RASSF8: variants seen among roughly 807,000 people sequenced by gnomAD.
The protein encoded by RASSF8 is ras association domain-containing protein 8.
Under a neutral mutation model 48.5 loss-of-function variants are expected in RASSF8, and 22 were observed. That is an observed-to-expected ratio of 0.45 (90% CI 0.32 to 0.65). The LOEUF (loss-of-function observed/expected upper bound fraction) is 0.65, where lower values mean the gene tolerates loss of function less well. RASSF8 is among the 30% of genes least tolerant of loss of function. The pLI is 0.03. For missense variants in RASSF8, 418 were observed against 489.2 expected, an observed-to-expected ratio of 0.85 and a Z score of 1.37; for synonymous variants, 127 against 171.5, an observed-to-expected ratio of 0.74 and a Z score of 2.03.
intron 1 of RASSF8, among the ~76,000 whole-genome samples, chr12:25,991,872 T>A (rs1275084628): frequency 6.6e-6 from 1 of 152,238 alleles, no homozygotes; most frequent in Non-Finnish European, 1.5e-5. Flanking sequence ...GAATGCTTAA[T>A]CTTTAGCACA....
At chr12:25,977,350 C>G (rs1325251935) in intron 1 of RASSF8, among the ~76,000 whole-genome samples, 1 of 152,256 alleles carries the variant, frequency 6.6e-6, no homozygotes, top group Middle Eastern at 3.4e-3. Context: ...GGGCTATAAC[C>G]GTGACCATTA....
At chr12:26,076,478 A>C (rs1351359513), downstream of RASSF8, among the ~76,000 whole-genome samples, 1 of 151,824 alleles carries the variant, frequency 6.6e-6, no homozygotes, top group African/African-American at 2.4e-5. Flanking sequence ...AAGTATTCTC[A>C]TTGTTCAGTT....
chr12:26,062,320 C>T (rs1441144751), intron 3 of RASSF8, among the ~76,000 whole-genome samples: 3 of 152,204 alleles, frequency 2.0e-5, no homozygotes, highest in Non-Finnish European at 4.4e-5. Flanking sequence ...TCATTGGAAA[C>T]ATTTTTTATT....
chr12:25,968,983 A>C (rs1400799588), intron 1 of RASSF8, among the ~76,000 whole-genome samples: 2 of 152,178 alleles, frequency 1.3e-5, no homozygotes, highest in African/African-American at 4.8e-5. Context: ...CTACAGGAAG[A>C]ACGCTCCAGA....
chr12:25,963,967 G>C (rs1026212750), intron 1 of RASSF8, among the ~76,000 whole-genome samples: 1 of 152,222 alleles, frequency 6.6e-6, no homozygotes, highest in Non-Finnish European at 1.5e-5. Flanking sequence ...GCCCCTGCAA[G>C]CCAGACCCTT....
rs1943954104 is a variant in RASSF8 at position 26,069,433 on chromosome 12, A to T, written c.*615A>T. The T allele has an allele frequency of 2.0e-6, 2 of 985,310 alleles. No homozygotes were observed. The highest frequency in any genetic ancestry group is 1.7e-5 in the African/African-American group (1 of 57,252). The allele number at this position is 985,310 out of a possible 1,614,324, so 61.0% of individuals were successfully genotyped here. A position where few individuals can be genotyped will look rare whatever the true frequency, so the allele number is the denominator to read the frequency against. ...TAGGTGAAATAATTCAGGGTTTTTT[A>T]AATCTGGAATTTAGTCGTTCCTTTA... On this transcript the variant is annotated 3_prime_UTR_variant, in exon 6 of 6. Coordinates refer to ENST00000689635, the MANE Select transcript of RASSF8 (RefSeq NM_001394098.1).
At chr12:26,046,686 A>G (rs1943379934) in intron 2 of RASSF8, among the ~76,000 whole-genome samples, 1 of 151,970 alleles carries the variant, frequency 6.6e-6, no homozygotes, top group Non-Finnish European at 1.5e-5. Flanking sequence ...AAAAAATAGT[A>G]TTTATATAAA....
At position 26,067,729 on chromosome 12, in the gene RASSF8, A is replaced by G. The variant is rs1300479583; in HGVS notation, c.1138+16A>G. 6.2e-6 allele frequency: 10 copies of G among 1,613,104 alleles called. No individual in the cohort carries two copies. Among genetic ancestry groups the G allele is most frequent in the Admixed American group, 3.3e-5 (2 of 59,760 alleles). On this transcript the variant is annotated intron_variant, in intron 5 of 5. Transcript: ENST00000689635. ...ATTGAAAGGGGTAAGATGTTGATAA[A>G]TATGGTTTATTTTCCCTTTATTCTC...
intron 2 of RASSF8, among the ~76,000 whole-genome samples, chr12:26,008,365 C>T (rs1942442758): frequency 6.6e-6 from 1 of 152,160 alleles, no homozygotes; most frequent in African/African-American, 2.4e-5. Context: ...GTTCCATCCC[C>T]TTTAGCATGT....
intron 2 of RASSF8, among the ~76,000 whole-genome samples, chr12:26,009,899 A>G (rs1942481617): frequency 2.0e-5 from 3 of 152,246 alleles, no homozygotes; most frequent in Non-Finnish European, 4.4e-5. Context: ...TTTTGCTGCA[A>G]AAGGAAAGTA....
chr12:26,073,537 G>A (rs943566461), downstream of RASSF8, among the ~76,000 whole-genome samples: 2 of 152,060 alleles, frequency 1.3e-5, no homozygotes, highest in African/African-American at 4.8e-5. Flanking sequence ...AGGAGTTCGA[G>A]ACCAGCCTGG....
intron 1 of RASSF8, among the ~76,000 whole-genome samples, chr12:25,977,358 T>C (rs1941630968): frequency 6.6e-6 from 1 of 152,206 alleles, no homozygotes; most frequent in Non-Finnish European, 1.5e-5. Context: ...ACCGTGACCA[T>C]TACACAGAGA....
chr12:26,073,821 T>C (rs12296620), downstream of RASSF8, among the ~76,000 whole-genome samples: 33 of 65,230 alleles, frequency 5.1e-4, no homozygotes, highest in African/African-American at 5.6e-4. Context: ...TATATACACA[T>C]ACACACACAC....
chr12:26,029,820 T>C (rs1187511504), intron 2 of RASSF8, among the ~76,000 whole-genome samples: 3 of 152,228 alleles, frequency 2.0e-5, no homozygotes, highest in African/African-American at 7.2e-5. Context: ...GTCCGAGTTA[T>C]ACTCCTGGCT....
intron 2 of RASSF8, among the ~76,000 whole-genome samples, chr12:25,996,382 A>G (rs1942134127): frequency 6.6e-6 from 1 of 152,224 alleles, no homozygotes; most frequent in South Asian, 2.1e-4. Context: ...CTGTGCTATA[A>G]AGCTTTCTTT....
intron 2 of RASSF8, among the ~76,000 whole-genome samples, chr12:26,048,303 C>G (rs1416901388): frequency 6.6e-6 from 1 of 152,214 alleles, no homozygotes; most frequent in East Asian, 1.9e-4. Flanking sequence ...GAGAAGCTGA[C>G]AGCTTCTTTA....
At chr12:26,006,587 C>T (rs1942397173) in intron 2 of RASSF8, among the ~76,000 whole-genome samples, 1 of 152,118 alleles carries the variant, frequency 6.6e-6, no homozygotes, top group Admixed American at 6.5e-5. Flanking sequence ...GTCTTTTATA[C>T]TTAGGGGTAG....
intron 2 of RASSF8, among the ~76,000 whole-genome samples, chr12:26,026,936 G>A (rs975774391): frequency 6.6e-6 from 1 of 152,146 alleles, no homozygotes; most frequent in African/African-American, 2.4e-5. Flanking sequence ...CATGCAAAAA[G>A]TTGTACATGA....
In RASSF8 at chr12:26,071,278, G is replaced by T; in HGVS notation, c.*2460G>T. The T allele has an allele frequency of 1.0e-6, 1 of 983,750 alleles. No homozygotes were observed. Among genetic ancestry groups the T allele is most frequent in the Non-Finnish European group, 1.2e-6 (1 of 828,472 alleles). The allele number at this position is 983,750 out of a possible 1,614,324, so 60.9% of individuals were successfully genotyped here. A position where few individuals can be genotyped will look rare whatever the true frequency, so the allele number is the denominator to read the frequency against. ...TTGCAAATACAAATGAATTAGATAA[G>T]TGCCACATCCTGGATACATTTCGGA... is the stretch of plus-strand genomic sequence containing the variant. On this transcript the variant is annotated 3_prime_UTR_variant, in exon 6 of 6. Coordinates refer to ENST00000689635, the MANE Select transcript of RASSF8 (RefSeq NM_001394098.1).
Sources: gnomAD v4.1 joint callset for allele counts (sites outside exome capture counted in the v4.1 genomes callset) on GRCh38, gnomAD v4.1.1 for gene constraint, MANE v1.5 for transcripts, NCBI Gene and HGNC (gene_info 2026-07-23, HGNC 2026-07-21) for gene names.